Variants in CCN6 observed in about 807,000 individuals in gnomAD.
CCN6 encodes the protein CCN family member 6.
In CCN6, 31 loss-of-function variants were observed where a neutral mutation model predicts 37.4. The ratio of observed to expected loss-of-function variants is 0.83; its 90% CI spans 0.62 to 1.12. CCN6 has a LOEUF of 1.12. Among genes scored for constraint, CCN6 ranks in the 50% most tolerant of loss-of-function variants. The pLI is 0.00. For synonymous variants in CCN6, 137 were observed against 142.1 expected (o/e 0.96, Z 0.26); for missense variants, 369 against 413.8 (o/e 0.89, Z 0.94).
intron 1 of CCN6, chr6:112,060,203 T>C: frequency 2.4e-6 from 3 of 1,252,138 alleles, no homozygotes; most frequent in Non-Finnish European, 3.2e-6. Flanking sequence ...AGTCACTCCA[T>C]ATGAGCAAAG....
intron 1 of CCN6, among the ~76,000 whole-genome samples, chr6:112,055,886 G>A (rs1337656206): frequency 3.9e-5 from 6 of 152,104 alleles, no homozygotes; most frequent in African/African-American, 1.2e-4. Context: ...CACCACCTCC[G>A]GCCCAAGGGT....
intron 1 of CCN6, among the ~76,000 whole-genome samples, chr6:112,057,172 A>G (rs1776371705): frequency 6.6e-6 from 1 of 152,200 alleles, no homozygotes. Context: ...GAGTCCAGCA[A>G]ATGGCAAGTC....
intron 3 of CCN6, among the ~76,000 whole-genome samples, chr6:112,065,621 C>T (rs587724158): frequency 1.5e-4 from 19 of 128,810 alleles, no homozygotes; most frequent in African/African-American, 3.5e-4. Context: ...CACACACACA[C>T]GCACGCACAC....
In CCN6 at chr6:112,056,017, G is replaced by A. The variant is rs373720964; in HGVS notation, c.48+1612G>A. Among the ~76,000 whole-genome samples, 18 of 152,128 alleles carry A rather than the reference G, an allele frequency of 1.2e-4. No homozygotes were observed. The East Asian group carries it at 2.5e-3, about 21-fold the overall frequency. On this transcript the variant is annotated intron_variant, in intron 1 of 4. Coordinates refer to ENST00000368666, the MANE Select transcript of CCN6 (RefSeq NM_198239.2). ...AGATCACAGAGCTGTTGCAAAGCTC[G>A]GATCTGTTGTCAAAATGCTTATTCT...
At chr6:112,055,401 A>G (rs1482590259) in intron 1 of CCN6, among the ~76,000 whole-genome samples, 11 of 152,194 alleles carry the variant, frequency 7.2e-5, no homozygotes, top group Non-Finnish European at 1.5e-4. Flanking sequence ...GTATTCCAAC[A>G]CAGAGAGATG....
chr6:112,055,273 C>T (rs587642364), intron 1 of CCN6, among the ~76,000 whole-genome samples: 97 of 152,314 alleles, frequency 6.4e-4, no homozygotes, highest in African/African-American at 2.3e-3. Flanking sequence ...TGGTCCAGGT[C>T]ATTGCTGCTG....
chr6:112,062,215 T>A (rs1283496016), intron 2 of CCN6, among the ~76,000 whole-genome samples: 1 of 152,196 alleles, frequency 6.6e-6, no homozygotes, highest in African/African-American at 2.4e-5. Context: ...CTTCCTAGCT[T>A]ATAGAGTTGC....
At chr6:112,065,881 G>T (rs1435198699) in intron 3 of CCN6, among the ~76,000 whole-genome samples, 1 of 152,176 alleles carries the variant, frequency 6.6e-6, no homozygotes. Context: ...TATAGAGGAG[G>T]AGGGACTCAA....
upstream of CCN6, among the ~76,000 whole-genome samples, chr6:112,053,753 G>T (rs587739372): frequency 6.6e-6 from 1 of 151,912 alleles, no homozygotes; most frequent in African/African-American, 2.4e-5. Flanking sequence ...TGAGCCCAGG[G>T]CACTGTGGGT....
At chr6:112,053,865 TG>T (rs376487825), upstream of CCN6, among the ~76,000 whole-genome samples, 1,733 of 102,882 alleles carry the variant, frequency 0.017, 27 homozygotes, top group African/African-American at 0.052. Context: ...GTGCTGTTGG[TG>T]GGGGGGCCAG....
intron 1 of CCN6, among the ~76,000 whole-genome samples, chr6:112,056,569 T>C (rs1776354085): frequency 6.6e-6 from 1 of 152,092 alleles, no homozygotes; most frequent in Admixed American, 6.5e-5. Flanking sequence ...TAGGCTGGAG[T>C]GCAGTGGCGT....
intron 2 of CCN6, 59 bp from the exon 3 acceptor site, chr6:112,064,696 A>T: frequency 6.2e-7 from 1 of 1,611,432 alleles, no homozygotes; most frequent in Non-Finnish European, 8.5e-7. Context: ...TTATAATTGG[A>T]GGTCTAGACT....
Position 112,061,256 on chromosome 6 carries a change from A to T in CCN6, c.314A>T (p.Asp105Val), listed in dbSNP as rs144622585. Residue 105 changes from aspartate (D) to valine (V), a missense_variant, in exon 2 of 5, where the codon GAC (aspartate) becomes GTC (valine). Coordinates refer to ENST00000368666, the MANE Select transcript of CCN6 (RefSeq NM_198239.2). The stretch of plus-strand genomic sequence containing the variant: ...GGGCTGTATTGTGACTACTCAGTAG[A>T]CAGGCCTAGGTACGAGACTGGAGTG... ...HKGLYCDYSV[D>V]RPRYETGVCA... 16 of 1,614,232 alleles carry T rather than the reference A, an allele frequency of 9.9e-6. No individual in the cohort carries two copies. The highest frequency in any genetic ancestry group is 1.2e-5 in the Non-Finnish European group (14 of 1,180,038).
rs782783177 is a variant in CCN6 at position 112,064,943 on chromosome 6, T to C, written c.535T>C (p.Cys179Arg). ...TGGAAAGAAGTCTGATCAGTCAAAC[T>C]GTAGCCTGGAACCATTACTACAGCA... The part of the protein sequence containing the change: ...KGGKKSDQSN[C>R]SLEPLLQQLS... The change falls in exon 3 of 5, where the codon TGT (cysteine) becomes CGT (arginine). Residue 179 changes from cysteine to arginine, a missense_variant. Coordinates refer to ENST00000368666, the MANE Select transcript of CCN6 (RefSeq NM_198239.2). The C allele has an allele frequency of 6.2e-7, 1 of 1,613,946 alleles. No homozygotes were observed. The highest frequency in any genetic ancestry group is 1.3e-5 in the African/African-American group (1 of 74,918).
Position 112,068,230 on chromosome 6 carries a change from G to A in CCN6, c.615G>A (p.Trp205Ter). The A allele has an allele frequency of 6.3e-7, 1 of 1,598,442 alleles. No individual in the cohort carries two copies. Among genetic ancestry groups the A allele is most frequent in the Non-Finnish European group, 8.5e-7 (1 of 1,171,914 alleles). ...MPAYRNLPLI[W>*]KKKCLVQATK... The stretch of plus-strand genomic sequence containing the variant: ...CTTATAGAAATCTCCCACTTATTTG[G>A]AAAAAAAAATGTCTTGTGCAAGCAA... Residue 205 changes from tryptophan to a stop codon, truncating the protein, a stop_gained, in exon 4 of 5, where the codon TGG (tryptophan) becomes TGA (stop). Transcript: ENST00000368666. LOFTEE classifies it high-confidence loss of function.
chr6:112,069,121 A>G (rs1776793900), intron 4 of CCN6, among the ~76,000 whole-genome samples: 1 of 152,204 alleles, frequency 6.6e-6, no homozygotes, highest in Admixed American at 6.5e-5. Context: ...ATAGCAAAAA[A>G]CATTGAGGAG....
At chr6:112,059,909 T>A in intron 1 of CCN6, 1 of 1,294,860 alleles carries the variant, frequency 7.7e-7, no homozygotes, top group Non-Finnish European at 1.0e-6. Flanking sequence ...TGGTAAACTC[T>A]ACGGTGAAAG....
intron 2 of CCN6, among the ~76,000 whole-genome samples, chr6:112,063,667 TCA>T (rs1341396835): frequency 6.6e-6 from 1 of 152,218 alleles, no homozygotes. Flanking sequence ...AAAAATGCTG[TCA>T]CAGTTGTTTT....
At chr6:112,067,019 TG>T (rs1554314142) in intron 3 of CCN6, 1 of 1,366,432 alleles carries the variant, frequency 7.3e-7, no homozygotes, top group Non-Finnish European at 9.8e-7. Context: ...TTTAAACTGT[TG>T]TCTACCTTCC....
Sources: allele counts gnomAD v4.1 joint callset (sites outside exome capture counted in the v4.1 genomes callset), GRCh38; gene constraint gnomAD v4.1.1; transcripts MANE v1.5; gene names NCBI Gene and HGNC (gene_info 2026-07-23, HGNC 2026-07-21).